DNAH9: variants seen among roughly 807,000 people sequenced by gnomAD.
DNAH9 encodes dynein axonemal heavy chain 9.
Under a neutral mutation model 471.6 loss-of-function variants are expected in DNAH9, and 345 were observed. The observed-to-expected ratio is 0.73, with a 90% CI of 0.67 to 0.80. The LOEUF (loss-of-function observed/expected upper bound fraction) is 0.80, where lower values mean the gene tolerates loss of function less well. Among genes scored for constraint, DNAH9 ranks in the 30% least tolerant of loss-of-function variants. DNAH9 has a pLI of 0.00. For synonymous variants in DNAH9, 2,093 were observed against 2,123.6 expected (o/e 0.99, Z 0.40); for missense variants, 5,407 against 5,609.2 (o/e 0.96, Z 1.15).
rs1231237810 is a variant in DNAH9, at chr17:11,834,638, G to T, written c.9247G>T (p.Val3083Leu). The T allele has an allele frequency of 1.2e-6, 2 of 1,613,984 alleles. No homozygotes were observed. The highest frequency in any genetic ancestry group is 1.7e-5 in the Admixed American group (1 of 59,996). Residue 3083 changes from valine (V) to leucine (L), a missense_variant and splice_region_variant, in exon 49 of 69, where the codon GTG becomes TTG. By Grantham distance (32) the Val-to-Leu change is conservative. Transcript: ENST00000262442. The stretch of plus-strand genomic sequence containing the variant: ...TAAGTCCCGTGCTTCTCCAATGCAG[G>T]TGGATGATCTGAAAGCAAAGCTGGC... ...LLKLHSTSAQVDDLKAKLAAQ... is the reference protein window; with the variant it reads ...LLKLHSTSAQLDDLKAKLAAQ...
intron 61 of DNAH9, among the ~76,000 whole-genome samples, chr17:11,907,166 ATCAGACTTAAAGAGTC>A (rs1310415815): frequency 6.6e-6 from 1 of 152,184 alleles, no homozygotes; most frequent in Non-Finnish European, 1.5e-5. Flanking sequence ...AGCGTTTCTT[ATCAGACTTAAAGAGTC>A]TGTCCTGGCC....
intron 49 of DNAH9, among the ~76,000 whole-genome samples, chr17:11,838,269 G>A (rs1316820797): frequency 1.3e-5 from 2 of 152,204 alleles, no homozygotes; most frequent in South Asian, 2.1e-4. Flanking sequence ...AAGTAATGGT[G>A]CAGAAACTGA....
intron 26 of DNAH9, among the ~76,000 whole-genome samples, chr17:11,714,929 C>A (rs541977143): frequency 1.3e-5 from 2 of 152,292 alleles, no homozygotes; most frequent in Admixed American, 6.5e-5. Context: ...TAGTCCAGCC[C>A]AGCCAACACC....
chr17:11,768,731 A>G (rs1298506869), intron 37 of DNAH9, 105 bp downstream of exon 37: 2 of 1,380,322 alleles, frequency 1.4e-6, no homozygotes, highest in Non-Finnish European at 2.0e-6. Flanking sequence ...TGTCCTTGCT[A>G]GGAACTAGTC....
chr17:11,717,316 T>G (rs571614589), intron 26 of DNAH9, among the ~76,000 whole-genome samples: 25 of 152,190 alleles, frequency 1.6e-4, no homozygotes, highest in African/African-American at 5.8e-4. Context: ...GTGGATCACT[T>G]GAGCCCTGGA....
rs1405967391 is a variant in DNAH9 at position 11,930,200 on chromosome 17, G to A, written c.12105+107G>A. 3 of 993,796 alleles carry A rather than the reference G, an allele frequency of 3.0e-6. No individual in the cohort carries two copies. The African/African-American group carries it at 4.8e-5, about 16-fold the overall frequency. 61.6% of individuals were successfully genotyped at this position (993,796 alleles called of 1,614,324 possible). ...TCAGAAGGGAGTCGGGTGCTGGTTG[G>A]GCTACGGAGCAATGCTGATGTGGGT... On this transcript the variant is annotated intron_variant, in intron 63 of 68. Coordinates refer to ENST00000262442, the MANE Select transcript of DNAH9 (RefSeq NM_001372.4).
chr17:11,627,084 G>A (rs147837329), intron 6 of DNAH9, among the ~76,000 whole-genome samples: 1 of 152,298 alleles, frequency 6.6e-6, no homozygotes, highest in Non-Finnish European at 1.5e-5. Context: ...CTGGGGGAAA[G>A]CTGGATGGGT....
chr17:11,844,781 C>A (rs946264688), intron 49 of DNAH9, among the ~76,000 whole-genome samples: 5 of 152,072 alleles, frequency 3.3e-5, no homozygotes, highest in Non-Finnish European at 5.9e-5. Context: ...AAACTTGTGT[C>A]ATGAAGGTAT....
intron 10 of DNAH9, 23 bp from the exon 11 acceptor site, chr17:11,644,608 C>G (rs749278519): frequency 1.3e-6 from 2 of 1,574,548 alleles, no homozygotes; most frequent in Non-Finnish European, 8.7e-7. Flanking sequence ...TTCTGTGTCA[C>G]TTTTTCTCTT....
intron 66 of DNAH9, among the ~76,000 whole-genome samples, chr17:11,939,010 C>T (rs1359561469): frequency 6.6e-6 from 1 of 152,156 alleles, no homozygotes; most frequent in African/African-American, 2.4e-5. Flanking sequence ...CAAACTGATA[C>T]TAAAAGAGTT....
At chr17:11,957,855 A>C (rs1249987247) in intron 67 of DNAH9, among the ~76,000 whole-genome samples, 1 of 152,242 alleles carries the variant, frequency 6.6e-6, no homozygotes, top group Non-Finnish European at 1.5e-5. Flanking sequence ...AGGGGAGACC[A>C]GGTAAATGGT....
rs937884677 is a variant in DNAH9, at chr17:11,741,417, G to A, written c.5973-758G>A. ...CAAACATAATTGCAGTTTTGCTATCGAAAGTAATGGCACAAACCGCAATTA... is the reference window on the plus strand; with the variant it reads ...CAAACATAATTGCAGTTTTGCTATCAAAAGTAATGGCACAAACCGCAATTA... On this transcript the variant is annotated intron_variant, in intron 29 of 68. Coordinates refer to ENST00000262442, the MANE Select transcript of DNAH9 (RefSeq NM_001372.4). Among the ~76,000 whole-genome samples the A allele has an allele frequency of 2.6e-5, 4 of 152,078 alleles. No individual in the cohort carries two copies. The South Asian group carries it at 6.2e-4, about 24-fold the overall frequency.
intron 8 of DNAH9, among the ~76,000 whole-genome samples, chr17:11,634,218 C>G (rs1180247360): frequency 6.6e-6 from 1 of 152,164 alleles, no homozygotes; most frequent in Non-Finnish European, 1.5e-5. Context: ...AACCATAACC[C>G]TCCGATCCCT....
At chr17:11,739,885 G>A (rs1045361718) in intron 29 of DNAH9, among the ~76,000 whole-genome samples, 2 of 152,152 alleles carry the variant, frequency 1.3e-5, no homozygotes, top group African/African-American at 4.8e-5. Flanking sequence ...ACTGTGGGGT[G>A]CTATGACAAA....
In DNAH9 at chr17:11,604,363, C is replaced by A. The variant is rs143498753; in HGVS notation, c.418-3766C>A. 1.8e-4 allele frequency among the ~76,000 whole-genome samples: 28 copies of A among 152,202 alleles called. No homozygotes were observed. In the East Asian group the frequency reaches 3.9e-3, roughly 21 times the overall value. ...ACACCAGATGGTCCTACGGCTCATT[C>A]CCTGGACGTCTTCTCTTCTCTCTAT... On this transcript the variant is annotated intron_variant, in intron 1 of 68. Coordinates refer to ENST00000262442, the MANE Select transcript of DNAH9 (RefSeq NM_001372.4).
Position 11,745,267 on chromosome 17 carries a change from G to A in DNAH9, c.6399+183G>A, listed in dbSNP as rs182523942. Among the ~76,000 whole-genome samples the A allele has an allele frequency of 3.4e-4, 51 of 152,230 alleles. No homozygotes were observed. The South Asian group carries it at 5.0e-3, about 15-fold the overall frequency. On this transcript the variant is annotated intron_variant, in intron 31 of 68. Transcript: ENST00000262442. Reference sequence around the variant, plus strand: ...ACCCACAATGTGGAATGCATGGTAGGGAATACAAGGGAAAGTTGGAGGATC... The same window carrying A: ...ACCCACAATGTGGAATGCATGGTAGAGAATACAAGGGAAAGTTGGAGGATC...
chr17:11,694,628 T>TTC (rs1555566944), intron 22 of DNAH9, among the ~76,000 whole-genome samples, 181 bp downstream of exon 22: 8 of 7,470 alleles, frequency 1.1e-3, no homozygotes, highest in African/African-American at 1.8e-3. Context: ...CTTTCTTGCT[T>TTC]TCTTGCTTTC....
intron 60 of DNAH9, 62 bp downstream of exon 60, chr17:11,902,974 C>G: frequency 1.3e-6 from 2 of 1,541,250 alleles, no homozygotes; most frequent in Admixed American, 3.9e-5. Flanking sequence ...CTCAGGACAA[C>G]TGGACCAGCA....
At chr17:11,924,866 T>C (rs570953513) in intron 62 of DNAH9, among the ~76,000 whole-genome samples, 7 of 152,088 alleles carry the variant, frequency 4.6e-5, no homozygotes, top group Admixed American at 3.9e-4. Flanking sequence ...TCAAGTGATC[T>C]ACCTGCGTCA....
Sources: gnomAD v4.1 joint callset for allele counts (sites outside exome capture counted in the v4.1 genomes callset) on GRCh38, gnomAD v4.1.1 for gene constraint, MANE v1.5 for transcripts, NCBI Gene and HGNC (gene_info 2026-07-23, HGNC 2026-07-21) for gene names.